Variants in WDR35 observed in about 807,000 individuals in gnomAD.
The protein encoded by WDR35 is WD repeat domain 35.
Under a neutral mutation model 158.3 loss-of-function variants are expected in WDR35, and 118 were observed. That is an observed-to-expected ratio of 0.75 (90% CI 0.64 to 0.87). WDR35 has a LOEUF of 0.87. Among genes scored for constraint, WDR35 ranks in the 40% least tolerant of loss-of-function variants. The pLI is 0.00. For synonymous variants in WDR35, 448 were observed against 476.1 expected (o/e 0.94, Z 0.77); for missense variants, 1,263 against 1,405.8 (o/e 0.90, Z 1.62).
At position 19,914,349 on chromosome 2, in the gene WDR35, C is replaced by T. The variant is rs984071273; in HGVS notation, c.3122-72G>A. 1.9e-6 allele frequency: 3 copies of T among 1,592,818 alleles called. No homozygotes were observed. The African/African-American group carries it at 4.0e-5, about 21-fold the overall frequency. ...TATCATGAACATGCAAAAGAAGAAT[C>T]TAAGTTAAGGTGATTTCATTGAACT... is the stretch of plus-strand genomic sequence containing the variant. On this transcript the variant is annotated intron_variant, in intron 25 of 26. Transcript: ENST00000281405.
chr2:19,987,589 C>CGAGGT (rs1283498601), intron 2 of WDR35, among the ~76,000 whole-genome samples: 54 of 151,998 alleles, frequency 3.6e-4, no homozygotes, highest in African/African-American at 1.3e-3. Flanking sequence ...TTAGGGAGGC[C>CGAGGT]GAGGTGGGTA....
At chr2:19,945,620 A>T (rs1019057525) in intron 16 of WDR35, among the ~76,000 whole-genome samples, 166 bp downstream of exon 16, 9 of 152,146 alleles carry the variant, frequency 5.9e-5, no homozygotes, top group Admixed American at 2.0e-4. Flanking sequence ...CTAAGACCAA[A>T]TATTTTTAAA....
Position 19,911,930 on chromosome 2 carries a change from T to G in WDR35, c.*1628A>C, listed in dbSNP as rs1669848903. ...TAGGCAAGCTATTGCTGTGGTGAAGTGTACTTGCCCCTGACACCCTTCTAT... is the reference window on the plus strand; with the variant it reads ...TAGGCAAGCTATTGCTGTGGTGAAGGGTACTTGCCCCTGACACCCTTCTAT... On this transcript the variant is annotated 3_prime_UTR_variant, in exon 27 of 27. Transcript: ENST00000281405. The G allele has an allele frequency of 6.6e-6, 1 of 152,210 alleles. No individual in the cohort carries two copies. Among genetic ancestry groups the G allele is most frequent in the South Asian group, 2.1e-4 (1 of 4,828 alleles). The allele number at this position is 152,210 out of a possible 1,614,324, so 9.4% of individuals were successfully genotyped here. A position where few individuals can be genotyped will look rare whatever the true frequency, so the allele number is the denominator to read the frequency against.
Position 19,920,152 on chromosome 2 carries a change from T to C in WDR35, c.3122-5875A>G, listed in dbSNP as rs545965284. ...TCACAGCCAAATTCTACCAGAGGTA[T>C]AAAGAGGAGCTGGTACTATTCCTTC... On this transcript the variant is annotated intron_variant, in intron 25 of 26. Coordinates refer to ENST00000281405, the MANE Select transcript of WDR35 (RefSeq NM_020779.4). 2.0e-5 allele frequency among the ~76,000 whole-genome samples: 3 copies of C among 152,216 alleles called. No homozygotes were observed. In the South Asian group the frequency reaches 6.2e-4, roughly 32 times the overall value.
Position 19,912,794 on chromosome 2 carries a change from T to C in WDR35, c.*764A>G, listed in dbSNP as rs540225867. 2 of 152,278 alleles carry C rather than the reference T, an allele frequency of 1.3e-5. No individual in the cohort carries two copies. The highest frequency in any genetic ancestry group is 4.1e-4 in the South Asian group (2 of 4,826). 9.4% of individuals were successfully genotyped at this position (152,278 alleles called of 1,614,324 possible). A position where few individuals can be genotyped will look rare whatever the true frequency, so the allele number is the denominator to read the frequency against. On this transcript the variant is annotated 3_prime_UTR_variant, in exon 27 of 27. Transcript: ENST00000281405. The stretch of plus-strand genomic sequence containing the variant: ...CAAGAAAAAATCACTCCCTCAACAA[T>C]ACTTGTGTAAATAAACGGTCCAACT...
Position 19,982,415 on chromosome 2 carries a change from T to A in WDR35, c.214+48A>T, listed in dbSNP as rs757310832. ...CTGCATTAAGTAGAAACTTTCTAAA[T>A]GCCTAAATACCACTCAAACATGACT... is the stretch of plus-strand genomic sequence containing the variant. On this transcript the variant is annotated intron_variant, in intron 3 of 26. Transcript: ENST00000281405. 1.5e-5 allele frequency: 24 copies of A among 1,564,948 alleles called. 1 individual carries two copies. In the South Asian group the frequency reaches 2.3e-4, roughly 15 times the overall value.
chr2:19,953,295 G>A (rs1671309231), intron 12 of WDR35, among the ~76,000 whole-genome samples: 2 of 152,088 alleles, frequency 1.3e-5, no homozygotes, highest in South Asian at 4.1e-4. Context: ...ATGTGGCAGA[G>A]CCCTTTTCAC....
intron 11 of WDR35, among the ~76,000 whole-genome samples, chr2:19,955,158 GGCCAGATT>G (rs1671385910): frequency 6.6e-6 from 1 of 151,984 alleles, no homozygotes. Context: ...TCACCATGTT[GGCCAGATT>G]GTCTCCATCT....
intron 3 of WDR35, 95 bp downstream of exon 3, chr2:19,982,368 A>G: frequency 1.7e-6 from 2 of 1,156,442 alleles, no homozygotes; most frequent in African/African-American, 1.5e-5. Flanking sequence ...AAATATTACC[A>G]TTATTTAAAA....
At chr2:19,968,006 G>C (rs912633167) in intron 9 of WDR35, among the ~76,000 whole-genome samples, 1 of 152,142 alleles carries the variant, frequency 6.6e-6, no homozygotes, top group Non-Finnish European at 1.5e-5. Flanking sequence ...TCTGGGGTGT[G>C]ACAATTTCTC....
At chr2:19,950,867 C>T (rs1671213637) in intron 13 of WDR35, among the ~76,000 whole-genome samples, 1 of 152,162 alleles carries the variant, frequency 6.6e-6, no homozygotes, top group African/African-American at 2.4e-5. Flanking sequence ...AGATGACATG[C>T]TGATTGACTT....
chr2:19,952,044 A>G (rs1671254231), intron 12 of WDR35: 1 of 153,166 alleles, frequency 6.5e-6, no homozygotes, highest in Admixed American at 6.5e-5. Flanking sequence ...TAAGGGGTAC[A>G]AAAGTACAGT....
intron 8 of WDR35, among the ~76,000 whole-genome samples, chr2:19,970,763 T>TCCC (rs1672013530): frequency 6.6e-6 from 1 of 152,078 alleles, no homozygotes; most frequent in African/African-American, 2.4e-5. Context: ...CTGCCTGAAA[T>TCCC]CCCCCTCTTC....
At chr2:19,978,993 T>C (rs1186834427) in intron 4 of WDR35, 114 bp from the exon 5 acceptor site, 19 of 1,308,174 alleles carry the variant, frequency 1.5e-5, no homozygotes, top group Non-Finnish European at 1.6e-5. Context: ...CTGCAAAGTT[T>C]TCTACAACCT....
At chr2:19,935,316 T>C (rs1287828865) in intron 21 of WDR35, 155 bp downstream of exon 21, 4 of 734,912 alleles carry the variant, frequency 5.4e-6, no homozygotes, top group Non-Finnish European at 6.2e-6. Context: ...ATTATTTATA[T>C]ATTACTTTAT....
chr2:19,915,244 T>C (rs1434231415), intron 25 of WDR35, among the ~76,000 whole-genome samples: 1 of 152,166 alleles, frequency 6.6e-6, no homozygotes, highest in Non-Finnish European at 1.5e-5. Context: ...TATTCATGTG[T>C]TTTACAATCA....
intron 10 of WDR35, among the ~76,000 whole-genome samples, chr2:19,964,381 C>CTTTTTTTTTTTTTTTTTTTTTTTTTTCT (rs558586617): frequency 8.8e-6 from 1 of 113,426 alleles, no homozygotes; most frequent in Non-Finnish European, 1.8e-5. Flanking sequence ...CTTTTCTTTT[C>CTTTTTTTTTTTTTTTTTTTTTTTTTTCT]TTTTTTTTTT....
intron 25 of WDR35, among the ~76,000 whole-genome samples, chr2:19,924,627 A>T (rs1383064903): frequency 6.6e-6 from 1 of 152,184 alleles, no homozygotes; most frequent in Non-Finnish European, 1.5e-5. Context: ...TTAGCTTTTG[A>T]CAATGCTAAT....
At chr2:19,951,375 A>C (rs373583008) in intron 13 of WDR35, 40 bp downstream of exon 13, 77 of 1,458,476 alleles carry the variant, frequency 5.3e-5, no homozygotes, top group Non-Finnish European at 6.8e-5. Flanking sequence ...TTTCAAATCT[A>C]CAGATATTAA....
Sources: allele counts gnomAD v4.1 joint callset (sites outside exome capture counted in the v4.1 genomes callset), GRCh38; gene constraint gnomAD v4.1.1; transcripts MANE v1.5; gene names NCBI Gene and HGNC (gene_info 2026-07-23, HGNC 2026-07-21).